The following COIL variants were observed in gnomAD, a reference collection of about 807,000 sequenced individuals.
COIL encodes coilin p80.
COIL carries 28 observed loss-of-function variants against 51.6 expected under a neutral mutation model. The ratio of observed to expected loss-of-function variants is 0.54; its 90% confidence interval spans 0.40 to 0.74. The LOEUF (loss-of-function observed/expected upper bound fraction) is 0.74. Among genes scored for constraint, COIL ranks in the 30% least tolerant of loss-of-function variants. COIL has a pLI of 0.00. For synonymous variants in COIL, 233 were observed against 255.8 expected (o/e 0.91, Z 0.85); for missense variants, 667 against 685.9 (o/e 0.97, Z 0.31).
chr17:56,954,567 TAAAA>T (rs576557234), intron 1 of COIL, among the ~76,000 whole-genome samples: 1 of 140,894 alleles, frequency 7.1e-6, no homozygotes, highest in Non-Finnish European at 1.6e-5. Context: ...CTCCAAAAAA[TAAAA>T]AAAAAAAGAC....
intron 1 of COIL, among the ~76,000 whole-genome samples, chr17:56,960,414 C>T (rs1275920951): frequency 1.3e-5 from 2 of 150,512 alleles, no homozygotes; most frequent in Middle Eastern, 3.2e-3. Context: ...GTCCCAGCTA[C>T]TCGGGAGGCT....
rs746723226 is a variant in COIL at position 56,950,800 on chromosome 17, G to A, written c.442C>T (p.Leu148=). 6.8e-6 allele frequency: 11 copies of A among 1,613,788 alleles called. No individual in the cohort carries two copies. The African/African-American group carries it at 1.2e-4, about 18-fold the overall frequency. Residue 148 remains leucine, a synonymous_variant, in exon 2 of 7, where the codon CTG becomes TTG. Transcript: ENST00000240316. ...NNNNNEKVLD[L]EPKAVTDQTV... ...TGATCTGTGACAGCTTTTGGTTCCAGATCCAAGACCTTCTCATTATTGTTA... is the reference window on the plus strand; with the variant it reads ...TGATCTGTGACAGCTTTTGGTTCCAAATCCAAGACCTTCTCATTATTGTTA...
intron 5 of COIL, among the ~76,000 whole-genome samples, chr17:56,944,434 T>C (rs1043154334): frequency 6.0e-5 from 9 of 150,794 alleles, no homozygotes; most frequent in Non-Finnish European, 1.2e-4. Flanking sequence ...CTACTAAAAA[T>C]ACAAAAAATT....
intron 4 of COIL, 32 bp downstream of exon 4, chr17:56,949,355 C>T: frequency 6.4e-7 from 1 of 1,554,338 alleles, no homozygotes; most frequent in Non-Finnish European, 8.7e-7. Context: ...TAATAATACA[C>T]TGACAACTTA....
chr17:56,952,326 A>C (rs1910388549), intron 1 of COIL: 3 of 458,522 alleles, frequency 6.5e-6, no homozygotes, highest in African/African-American at 6.0e-5. Flanking sequence ...CTGTACTGAC[A>C]ACCTCGGCTG....
At chr17:56,945,646 G>A (rs1376241366) in intron 5 of COIL, among the ~76,000 whole-genome samples, 1 of 152,174 alleles carries the variant, frequency 6.6e-6, no homozygotes, top group Non-Finnish European at 1.5e-5. Flanking sequence ...TGAGTTCACT[G>A]AATAGAGCTC....
rs202085138 is a variant in COIL, at chr17:56,950,642, G to A, written c.600C>T (p.Pro200=). 1.2e-6 allele frequency: 2 copies of A among 1,611,816 alleles called. No homozygotes were observed. Among genetic ancestry groups the A allele is most frequent in the African/African-American group, 1.3e-5 (1 of 74,674 alleles). The change falls in exon 2 of 7, where the codon CCC becomes CCT. Residue 200 remains proline, a synonymous_variant. Transcript: ENST00000240316. ...KCEYKKKAKN[P]KSPKVQAVKD... ...TCACTGCCTGTACTTTCGGAGACTT[G>A]GGATTCTTAGCCTTTTTTTTATATT...
At position 56,960,832 on chromosome 17, in the gene COIL, C is replaced by G. The variant is rs1196373220; in HGVS notation, c.188G>C (p.Gly63Ala). The G allele has an allele frequency of 2.5e-6, 4 of 1,603,428 alleles. No homozygotes were observed. The highest frequency in any genetic ancestry group is 2.7e-5 in the African/African-American group (2 of 74,710). ...SGAFLGLYLE[G>A]GLLPPAESAR... is the part of the protein sequence containing the mutation. Reference sequence around the variant, plus strand: ...GCTCTCGGCGGGGGGCAAGAGCCCCCCCTCCAGGTAGAGGCCTAGGAAGGC... The same window carrying G: ...GCTCTCGGCGGGGGGCAAGAGCCCCGCCTCCAGGTAGAGGCCTAGGAAGGC... Residue 63 changes from glycine to alanine, a missense_variant, in exon 1 of 7, where the codon GGG (glycine) becomes GCG (alanine). Coordinates refer to ENST00000240316, the MANE Select transcript of COIL (RefSeq NM_004645.3).
chr17:56,959,886 T>C (rs1028223509), intron 1 of COIL, among the ~76,000 whole-genome samples: 1 of 152,236 alleles, frequency 6.6e-6, no homozygotes, highest in African/African-American at 2.4e-5. Context: ...TTGATTCTCC[T>C]GTCATCAGAA....
At position 56,950,808 on chromosome 17, in the gene COIL, A is replaced by G; in HGVS notation, c.434T>C (p.Val145Ala). The G allele has an allele frequency of 6.2e-7, 1 of 1,612,432 alleles. No individual in the cohort carries two copies. Among genetic ancestry groups the G allele is most frequent in the South Asian group, 1.1e-5 (1 of 90,980 alleles). ...GACAGCTTTTGGTTCCAGATCCAAG[A>G]CCTTCTCATTATTGTTATTGTTCTC... The part of the protein sequence containing the change: ...SRENNNNNEK[V>A]LDLEPKAVTD... Residue 145 changes from valine (V) to alanine (A), a missense_variant, in exon 2 of 7, where the codon GTC becomes GCC. Coordinates refer to ENST00000240316, the MANE Select transcript of COIL (RefSeq NM_004645.3).
chr17:56,950,014 G>A lies in COIL; in HGVS notation c.1228C>T (p.Arg410Trp), dbSNP rs754060354. Residue 410 changes from arginine to tryptophan, a missense_variant, in exon 2 of 7, where the codon CGG (arginine) becomes TGG (tryptophan). Physicochemically the swap from Arg to Trp is moderately radical, Grantham distance 101. Coordinates refer to ENST00000240316, the MANE Select transcript of COIL (RefSeq NM_004645.3). ...CCTCGACCTCTCCCCCGCATGCCCC[G>A]TCCCTTAGCTCCCTTCCAAGAAAAA... The part of the protein sequence containing the change: ...NLFSWKGAKG[R>W]GMRGRGRGRG... 2.2e-5 allele frequency: 36 copies of A among 1,613,886 alleles called. No homozygotes were observed. Among genetic ancestry groups the A allele is most frequent in the East Asian group, 4.5e-5 (2 of 44,888 alleles).
intron 1 of COIL, among the ~76,000 whole-genome samples, chr17:56,954,679 ATT>A (rs1457645351): frequency 6.6e-6 from 1 of 152,116 alleles, no homozygotes; most frequent in African/African-American, 2.4e-5. Context: ...TTTTTAAAAT[ATT>A]AAGATTATAA....
intron 4 of COIL, among the ~76,000 whole-genome samples, chr17:56,947,574 G>C (rs1334608713): frequency 6.6e-6 from 1 of 152,086 alleles, no homozygotes; most frequent in East Asian, 1.9e-4. Flanking sequence ...GCGTTCAAGT[G>C]ATTCTTGTGC....
chr17:56,947,080 G>A (rs887217425), intron 4 of COIL, among the ~76,000 whole-genome samples: 1 of 152,174 alleles, frequency 6.6e-6, no homozygotes, highest in Non-Finnish European at 1.5e-5. Context: ...TCAAGAGGAT[G>A]CACTGCCCAT....
intron 6 of COIL, among the ~76,000 whole-genome samples, chr17:56,939,583 T>C (rs1910107432): frequency 6.6e-6 from 1 of 151,768 alleles, no homozygotes; most frequent in Non-Finnish European, 1.5e-5. Flanking sequence ...TCTGCAAAAA[T>C]ACAAAAATTA....
At chr17:56,948,279 C>T (rs1430342883) in intron 4 of COIL, among the ~76,000 whole-genome samples, 1 of 151,700 alleles carries the variant, frequency 6.6e-6, no homozygotes, top group African/African-American at 2.4e-5. Context: ...GGACTACAGG[C>T]ACCCGCCACC....
intron 4 of COIL, 87 bp downstream of exon 4, chr17:56,949,300 A>T: frequency 9.5e-7 from 1 of 1,055,724 alleles, no homozygotes; most frequent in Non-Finnish European, 1.4e-6. Flanking sequence ...TAAAAAAACA[A>T]ATCTGTATTA....
intron 1 of COIL, among the ~76,000 whole-genome samples, chr17:56,959,994 T>C (rs577135734): frequency 7.2e-5 from 11 of 152,212 alleles, no homozygotes; most frequent in Non-Finnish European, 1.6e-4. Context: ...GAGGATCACT[T>C]AACGTCAGGA....
chr17:56,949,894 T>G lies in COIL; in HGVS notation c.1348A>C (p.Ile450Leu). The change falls in exon 2 of 7, where the codon ATC (isoleucine) becomes CTC (leucine). Residue 450 changes from isoleucine (I) to leucine (L), a missense_variant. Ile to Leu is a conservative substitution (Grantham distance 5). Transcript: ENST00000240316. Reference sequence around the variant, plus strand: ...TTACAAAAAATAATACTTACCTGGATAATAGTAGATGAATTTTTTACCACG... The same window carrying G: ...TTACAAAAAATAATACTTACCTGGAGAATAGTAGATGAATTTTTTACCACG... ...NDVVKNSSTI[I>L]QNPVETPKKD... The G allele has an allele frequency of 6.2e-7, 1 of 1,613,566 alleles. No homozygotes were observed. The highest frequency in any genetic ancestry group is 8.5e-7 in the Non-Finnish European group (1 of 1,179,738).
Sources: gnomAD v4.1 joint callset for allele counts (sites outside exome capture counted in the v4.1 genomes callset) on GRCh38, gnomAD v4.1.1 for gene constraint, MANE v1.5 for transcripts, NCBI Gene and HGNC (gene_info 2026-07-23, HGNC 2026-07-21) for gene names.